SNX2: variants seen among roughly 807,000 people sequenced by gnomAD.
The protein encoded by SNX2 is sorting nexin 2.
A neutral mutation model predicts 69.9 loss-of-function variants in SNX2; 25 were observed. That is an observed-to-expected ratio of 0.36 (90% confidence interval 0.26 to 0.50). SNX2 has a LOEUF of 0.50. Ranked by LOEUF, SNX2 falls within the 20% of genes least tolerant of loss-of-function variation. SNX2 has a pLI of 0.97. For synonymous variants in SNX2, 229 were observed against 200.4 expected, an observed-to-expected ratio of 1.14 and a Z score of -1.20; for missense variants, 551 against 613.3, an observed-to-expected ratio of 0.90 and a Z score of 1.07.
At chr5:122,825,480 T>A (rs1299628785) in intron 11 of SNX2, among the ~76,000 whole-genome samples, 1 of 152,048 alleles carries the variant, frequency 6.6e-6, no homozygotes, top group African/African-American at 2.4e-5. Context: ...ATATAAAAAA[T>A]ATATATAGTC....
intron 1 of SNX2, among the ~76,000 whole-genome samples, chr5:122,793,578 G>GT: frequency 6.6e-6 from 1 of 152,080 alleles, no homozygotes; most frequent in Non-Finnish European, 1.5e-5. Flanking sequence ...GATATATACA[G>GT]TTTTTTTGTG....
chr5:122,817,593 A>T (rs1261592809), intron 10 of SNX2, among the ~76,000 whole-genome samples: 1 of 152,088 alleles, frequency 6.6e-6, no homozygotes, highest in Middle Eastern at 3.2e-3. Flanking sequence ...TTAGAAAATT[A>T]TTTGTTAACT....
At chr5:122,807,794 G>A (rs1581638122) in intron 6 of SNX2, among the ~76,000 whole-genome samples, 1 of 152,112 alleles carries the variant, frequency 6.6e-6, no homozygotes, top group South Asian at 2.1e-4. Flanking sequence ...CTTAGAATCT[G>A]CAGGAGGGAA....
intron 10 of SNX2, 67 bp downstream of exon 10, chr5:122,817,440 T>A: frequency 9.9e-7 from 1 of 1,008,008 alleles, no homozygotes; most frequent in Non-Finnish European, 1.4e-6. Flanking sequence ...ATTTAAATTT[T>A]ATGAAAATAA....
At chr5:122,775,232 G>T (rs1298715271) in intron 1 of SNX2, 21 bp downstream of exon 1, 1 of 1,541,898 alleles carries the variant, frequency 6.5e-7, no homozygotes, top group East Asian at 2.5e-5. Context: ...GTCGCTGCGG[G>T]TGCTGCGCTG....
intron 6 of SNX2, among the ~76,000 whole-genome samples, chr5:122,807,403 C>G (rs917993009): frequency 6.6e-6 from 1 of 152,174 alleles, no homozygotes; most frequent in African/African-American, 2.4e-5. Flanking sequence ...CCCCTAATGT[C>G]CTCATTTTCC....
chr5:122,814,023 A>C (rs1010586219), intron 7 of SNX2, among the ~76,000 whole-genome samples: 1 of 152,064 alleles, frequency 6.6e-6, no homozygotes, highest in African/African-American at 2.4e-5. Flanking sequence ...CTGCCTGCCA[A>C]AGTGCAGGGA....
chr5:122,775,139 C>T lies in SNX2; in HGVS notation c.36C>T (p.Asp12=). ...AGAGGGAACCTCCTCCGCTGGGGGA[C>T]GGGAAGCCCACCGACTTTGAGGATC... The part of the protein sequence containing the change: ...AAEREPPPLG[D]GKPTDFEDLE... Residue 12 remains aspartate, a synonymous_variant, in exon 1 of 15, where the codon GAC becomes GAT. Transcript: ENST00000379516. The T allele has an allele frequency of 1.3e-6, 2 of 1,595,744 alleles. No homozygotes were observed. Among genetic ancestry groups the T allele is most frequent in the Non-Finnish European group, 1.7e-6 (2 of 1,172,856 alleles).
At position 122,829,197 on chromosome 5, in the gene SNX2, T is replaced by TTTTG. The variant is rs148422974; in HGVS notation, c.1510-381_1510-378dup. Reference sequence around the variant, plus strand: ...TATTTGTATGGTTTTTTAATGTTGTTTTTGTTTGTTTGTTTGTTTGTTTTT... The same window carrying TTTTG: ...TATTTGTATGGTTTTTTAATGTTGTTTTTGTTTGTTTGTTTGTTTGTTTGTTTTT... On this transcript the variant is annotated intron_variant, in intron 14 of 14. Coordinates refer to ENST00000379516, the MANE Select transcript of SNX2 (RefSeq NM_003100.4). Among the ~76,000 whole-genome samples the TTTTG allele has an allele frequency of 8.6e-5, 13 of 151,272 alleles. No homozygotes were observed. In the East Asian group the frequency reaches 1.2e-3, roughly 14 times the overall value.
rs371814663 is a variant in SNX2, at chr5:122,783,580, A to G, written c.108+8369A>G. Among the ~76,000 whole-genome samples, 20 of 152,268 alleles carry G rather than the reference A, an allele frequency of 1.3e-4. No homozygotes were observed. The South Asian group carries it at 2.1e-3, about 16-fold the overall frequency. On this transcript the variant is annotated intron_variant, in intron 1 of 14. Coordinates refer to ENST00000379516, the MANE Select transcript of SNX2 (RefSeq NM_003100.4). ...CTTTCTTTATTGGGCTGTCTTTTTC[A>G]GAAATGAACTGACCATATATATGTG... is the stretch of plus-strand genomic sequence containing the variant.
chr5:122,828,252 T>C (rs979425581), intron 14 of SNX2, among the ~76,000 whole-genome samples: 1 of 152,184 alleles, frequency 6.6e-6, no homozygotes, highest in Non-Finnish European at 1.5e-5. Context: ...TTTTAAAATA[T>C]GTGGATCTAG....
chr5:122,823,800 G>GTGTGTGTGTGTA (rs1754084504), intron 11 of SNX2, among the ~76,000 whole-genome samples: 1 of 151,502 alleles, frequency 6.6e-6, no homozygotes. Context: ...GTGTGTGTGT[G>GTGTGTGTGTGTA]TGTGTGTGTG....
intron 4 of SNX2, 60 bp downstream of exon 4, chr5:122,801,995 G>A: frequency 6.6e-7 from 1 of 1,524,268 alleles, no homozygotes; most frequent in Non-Finnish European, 9.1e-7. Flanking sequence ...GTTTTGTATG[G>A]TTTTTCTTCA....
chr5:122,788,707 T>C (rs1301537620), intron 1 of SNX2, among the ~76,000 whole-genome samples: 1 of 152,230 alleles, frequency 6.6e-6, no homozygotes, highest in Non-Finnish European at 1.5e-5. Flanking sequence ...ATGTTTTGTT[T>C]CAGGTAATTT....
intron 1 of SNX2, among the ~76,000 whole-genome samples, chr5:122,776,686 C>T (rs1752865155): frequency 6.6e-6 from 1 of 152,070 alleles, no homozygotes; most frequent in Non-Finnish European, 1.5e-5. Flanking sequence ...ACCTGTATTC[C>T]TTTTGGAGGA....
chr5:122,795,232 C>T (rs1182282615), intron 1 of SNX2, 34 bp from the exon 2 acceptor site: 1 of 1,341,176 alleles, frequency 7.5e-7, no homozygotes, highest in Admixed American at 1.7e-5. Flanking sequence ...GTAAACATGC[C>T]AATCCATTAC....
chr5:122,803,397 C>A, intron 5 of SNX2, 75 bp from the exon 6 acceptor site: 1 of 1,425,794 alleles, frequency 7.0e-7, no homozygotes, highest in Admixed American at 2.2e-5. Flanking sequence ...TATGTGTTCA[C>A]AATTATGTAT....
chr5:122,819,740 G>A (rs1655099035), intron 11 of SNX2, among the ~76,000 whole-genome samples: 1 of 152,152 alleles, frequency 6.6e-6, no homozygotes, highest in Non-Finnish European at 1.5e-5. Context: ...GGTTTGAGGG[G>A]TACTGGGTAT....
At chr5:122,822,656 G>C (rs1349342740) in intron 11 of SNX2, among the ~76,000 whole-genome samples, 2 of 152,138 alleles carry the variant, frequency 1.3e-5, no homozygotes, top group Non-Finnish European at 2.9e-5. Flanking sequence ...GTTGTGTCAG[G>C]AAACGCCTGT....
Sources: allele counts gnomAD v4.1 joint callset (sites outside exome capture counted in the v4.1 genomes callset), GRCh38; gene constraint gnomAD v4.1.1; transcripts MANE v1.5; gene names NCBI Gene and HGNC (gene_info 2026-07-23, HGNC 2026-07-21).